The following CACUL1 variants were observed in gnomAD, a reference collection of about 807,000 sequenced individuals.
The protein encoded by CACUL1 is CDK2-associated and cullin domain-containing protein 1.
In CACUL1, 13 loss-of-function variants were observed where a neutral mutation model predicts 45.2. The observed-to-expected ratio is 0.29, with a 90% CI of 0.19 to 0.46. The LOEUF (loss-of-function observed/expected upper bound fraction) is 0.46. Ranked by LOEUF, CACUL1 falls within the 20% of genes least tolerant of loss-of-function variation. The pLI, the probability that CACUL1 is intolerant of heterozygous loss-of-function variation, is 1.00. For synonymous variants in CACUL1, 197 were observed against 174.2 expected, an observed-to-expected ratio of 1.13 and a Z score of -1.03; for missense variants, 421 against 471.4, an observed-to-expected ratio of 0.89 and a Z score of 0.99.
At chr10:118,749,896 T>C (rs1845879482) in intron 1 of CACUL1, among the ~76,000 whole-genome samples, 1 of 152,236 alleles carries the variant, frequency 6.6e-6, no homozygotes, top group African/African-American at 2.4e-5. Context: ...CATGGTTCCC[T>C]AACCTGTGAA....
intron 3 of CACUL1, among the ~76,000 whole-genome samples, chr10:118,712,546 C>T (rs781532516): frequency 1.1e-4 from 16 of 152,208 alleles, no homozygotes; most frequent in South Asian, 2.1e-4. Context: ...AGAAAAGGTA[C>T]GCAGACAAGT....
chr10:118,711,447 C>A (rs2119599561), intron 3 of CACUL1, among the ~76,000 whole-genome samples: 1 of 152,296 alleles, frequency 6.6e-6, no homozygotes, highest in South Asian at 2.1e-4. Flanking sequence ...ATGTTATAGG[C>A]AAACTTTTAA....
intron 6 of CACUL1, chr10:118,693,724 T>C: frequency 2.2e-6 from 1 of 456,952 alleles, no homozygotes; most frequent in Non-Finnish European, 4.4e-6. Context: ...GCCATCTTCA[T>C]CACACTGCTG....
Position 118,686,161 on chromosome 10 carries a change from C to A in CACUL1, c.1077G>T (p.Ser359=). 6.2e-7 allele frequency: 1 copy of A among 1,612,328 alleles called. No individual in the cohort carries two copies. Among genetic ancestry groups the A allele is most frequent in the Non-Finnish European group, 8.5e-7 (1 of 1,178,610 alleles). ...RAGDELAYNS[S]SACASSRGYR ...ACCCCCTGGAACTTGCACATGCTGA[C>A]GAGCTATCTGAAAAAACATCAGAAT... Residue 359 remains serine, a synonymous_variant, in exon 9 of 9, where the codon TCG becomes TCT. Transcript: ENST00000369151.
intron 1 of CACUL1, among the ~76,000 whole-genome samples, chr10:118,746,422 C>T (rs1388384571): frequency 6.6e-6 from 1 of 152,128 alleles, no homozygotes; most frequent in East Asian, 1.9e-4. Context: ...TAAACGGAGC[C>T]TCAATCCTTA....
intron 1 of CACUL1, among the ~76,000 whole-genome samples, chr10:118,730,705 T>C (rs1845690502): frequency 6.6e-6 from 1 of 152,192 alleles, no homozygotes; most frequent in African/African-American, 2.4e-5. Flanking sequence ...TAAGCTTCTG[T>C]CATTAGTGGA....
At chr10:118,719,328 T>C (rs549803234) in intron 3 of CACUL1, among the ~76,000 whole-genome samples, 1 of 152,344 alleles carries the variant, frequency 6.6e-6, no homozygotes, top group South Asian at 2.1e-4. Flanking sequence ...ATCAAATTGG[T>C]CATTTCTTTT....
In CACUL1 at chr10:118,754,539, G is replaced by A; in HGVS notation, c.224C>T (p.Pro75Leu). 1.2e-6 allele frequency: 2 copies of A among 1,612,602 alleles called. No homozygotes were observed. The highest frequency in any genetic ancestry group is 2.2e-5 in the South Asian group (2 of 91,026). ...VDRKGPKEGL[P>L]MGPQPPPEAN... ...CTCCGGCGGTGGCTGCGGCCCCATCGGGAGCCCCTCCTTGGGGCCTTTCCT... is the reference window on the plus strand; with the variant it reads ...CTCCGGCGGTGGCTGCGGCCCCATCAGGAGCCCCTCCTTGGGGCCTTTCCT... The change falls in exon 1 of 9, where the codon CCG (proline) becomes CTG (leucine). Residue 75 changes from proline to leucine, a missense_variant. Pro to Leu is a moderately conservative substitution (Grantham distance 98). This residue lies in a region of CACUL1 where 213 missense variants were observed against 173.1 expected (regional missense o/e 1.23). Coordinates refer to ENST00000369151, the MANE Select transcript of CACUL1 (RefSeq NM_153810.5).
chr10:118,735,495 G>A (rs1326193141), intron 1 of CACUL1, among the ~76,000 whole-genome samples: 1 of 152,178 alleles, frequency 6.6e-6, no homozygotes, highest in African/African-American at 2.4e-5. Flanking sequence ...AGGGGTGGGT[G>A]GAACCCAGGA....
intron 2 of CACUL1, among the ~76,000 whole-genome samples, 171 bp from the exon 3 acceptor site, chr10:118,729,568 C>T (rs978128269): frequency 1.2e-4 from 19 of 152,284 alleles, no homozygotes; most frequent in African/African-American, 4.3e-4. Context: ...CATCGGTGTT[C>T]GGATGGAAAA....
At position 118,683,152 on chromosome 10, in the gene CACUL1, T is replaced by C. The variant is rs1845169891; in HGVS notation, c.*2976A>G. On this transcript the variant is annotated 3_prime_UTR_variant, in exon 9 of 9. Transcript: ENST00000369151. Reference sequence around the variant, plus strand: ...CATGTACCGTCTCTCAAAACAATTATCGATTTACTTTTACATGTCATTTTT... The same window carrying C: ...CATGTACCGTCTCTCAAAACAATTACCGATTTACTTTTACATGTCATTTTT... 6.6e-6 allele frequency: 1 copy of C among 152,146 alleles called. No individual in the cohort carries two copies. 9.4% of individuals were successfully genotyped at this position (152,146 alleles called of 1,614,324 possible).
intron 1 of CACUL1, among the ~76,000 whole-genome samples, chr10:118,751,152 G>A (rs1241685867): frequency 6.6e-6 from 1 of 152,114 alleles, no homozygotes; most frequent in African/African-American, 2.4e-5. Flanking sequence ...TGTATAGTAA[G>A]TAGTCCCTTG....
chr10:118,688,708 C>A (rs1405396442), intron 7 of CACUL1, among the ~76,000 whole-genome samples: 1 of 152,174 alleles, frequency 6.6e-6, no homozygotes, highest in Non-Finnish European at 1.5e-5. Context: ...CCGTTGACAA[C>A]AGATACCAAA....
intron 5 of CACUL1, among the ~76,000 whole-genome samples, chr10:118,697,799 T>C (rs1845337095): frequency 6.6e-6 from 1 of 152,250 alleles, no homozygotes; most frequent in Admixed American, 6.5e-5. Flanking sequence ...TCCCAGGAAA[T>C]TTTCTATCAT....
intron 1 of CACUL1, among the ~76,000 whole-genome samples, chr10:118,745,859 C>T (rs915752262): frequency 6.6e-6 from 1 of 151,750 alleles, no homozygotes; most frequent in African/African-American, 2.4e-5. Context: ...GTAGTCTTGG[C>T]TGGGAATGGT....
chr10:118,688,966 T>C (rs1845234832), intron 7 of CACUL1, among the ~76,000 whole-genome samples: 1 of 152,226 alleles, frequency 6.6e-6, no homozygotes, highest in Non-Finnish European at 1.5e-5. Context: ...GTTTGTTGCC[T>C]ACTCAGGATC....
chr10:118,719,659 A>C (rs1845582171), intron 3 of CACUL1, among the ~76,000 whole-genome samples: 1 of 152,132 alleles, frequency 6.6e-6, no homozygotes, highest in Non-Finnish European at 1.5e-5. Context: ...TAAAAATATA[A>C]AATTAGCCGG....
intron 7 of CACUL1, 113 bp downstream of exon 7, chr10:118,691,152 C>A: frequency 1.1e-6 from 1 of 876,392 alleles, no homozygotes; most frequent in Non-Finnish European, 1.8e-6. Context: ...AGCAGCAAGA[C>A]TCTTGGCCAG....
chr10:118,697,918 G>T (rs1220490581), intron 5 of CACUL1, among the ~76,000 whole-genome samples: 1 of 152,096 alleles, frequency 6.6e-6, no homozygotes, highest in Admixed American at 6.6e-5. Context: ...AAAAATAGAA[G>T]CCACTTTATT....
Sources: allele counts gnomAD v4.1 joint callset (sites outside exome capture counted in the v4.1 genomes callset), GRCh38; gene constraint gnomAD v4.1.1; regional missense constraint gnomAD v4.1.1; transcripts MANE v1.5; gene names NCBI Gene and HGNC (gene_info 2026-07-23, HGNC 2026-07-21).